Variants in RASSF5 observed in about 807,000 individuals in gnomAD.
RASSF5 encodes Ras association domain family member 5.
Under a neutral mutation model 40.5 loss-of-function variants are expected in RASSF5, and 25 were observed. The ratio of observed to expected loss-of-function variants is 0.62; its 90% CI spans 0.45 to 0.86. The LOEUF (loss-of-function observed/expected upper bound fraction) is 0.86. Ranked by LOEUF, RASSF5 falls within the 40% of genes least tolerant of loss-of-function variation. The pLI is 0.00. For synonymous variants in RASSF5, 246 were observed against 252.4 expected (o/e 0.97, Z 0.24); for missense variants, 521 against 572.8 (o/e 0.91, Z 0.92).
chr1:206,517,621 G>A (rs1666784665), intron 1 of RASSF5, among the ~76,000 whole-genome samples: 1 of 152,198 alleles, frequency 6.6e-6, no homozygotes, highest in Admixed American at 6.5e-5. Context: ...CCTGTCTGGT[G>A]CCAGTCTTCT....
intron 1 of RASSF5, among the ~76,000 whole-genome samples, chr1:206,512,396 C>T (rs871782): frequency 0.39 from 60,052 of 152,038 alleles, 12,814 homozygotes; most frequent in South Asian, 0.57. Flanking sequence ...CACTATTCAT[C>T]AGAGCATGAA....
intron 1 of RASSF5, chr1:206,529,798 G>A: frequency 7.2e-6 from 3 of 414,344 alleles, no homozygotes; most frequent in Non-Finnish European, 9.0e-6. Flanking sequence ...GGTGGTGTGT[G>A]CCTGTAATCC....
rs534326992 is a variant in RASSF5 at position 206,556,091 on chromosome 1, C to A, written c.579+17798C>A. On this transcript the variant is annotated intron_variant, in intron 2 of 5. Transcript: ENST00000579436. ...TCCATGAGCCATCAGACTCCATGAA[C>A]ATGGTAGCAAAGCCAGGCCTCTGAA... is the stretch of plus-strand genomic sequence containing the variant. Among the ~76,000 whole-genome samples the A allele has an allele frequency of 3.4e-4, 52 of 152,342 alleles. No individual in the cohort carries two copies. The South Asian group carries it at 0.01, about 30-fold the overall frequency.
chr1:206,546,921 C>T (rs980919622), intron 2 of RASSF5, among the ~76,000 whole-genome samples: 10 of 152,174 alleles, frequency 6.6e-5, no homozygotes, highest in Non-Finnish European at 1.5e-4. Context: ...ACCATCTGTA[C>T]ATCTTTAGCT....
intron 1 of RASSF5, among the ~76,000 whole-genome samples, chr1:206,526,438 A>G (rs4532836): frequency 0.097 from 14,795 of 152,060 alleles, 1,348 homozygotes; most frequent in African/African-American, 0.25. Flanking sequence ...AAGAGGGCTG[A>G]GCTTTGCCTC....
chr1:206,578,077 A>AC (rs1668721309), intron 2 of RASSF5, among the ~76,000 whole-genome samples: 1 of 151,284 alleles, frequency 6.6e-6, no homozygotes, highest in Non-Finnish European at 1.5e-5. Context: ...AATAAAAAAA[A>AC]TTAGCCAGGA....
chr1:206,529,709 G>A, intron 1 of RASSF5: 1 of 699,788 alleles, frequency 1.4e-6, no homozygotes. Flanking sequence ...CGGGTTAAAT[G>A]CACACTGTTG....
At position 206,579,605 on chromosome 1, in the gene RASSF5, GGTCT is replaced by G. The variant is rs1668791020; in HGVS notation, c.580-3659_580-3656del. On this transcript the variant is annotated intron_variant, in intron 2 of 5. Coordinates refer to ENST00000579436, the MANE Select transcript of RASSF5 (RefSeq NM_182663.4). The surrounding 1 kb of genome is among the most constrained non-coding windows in gnomAD (Gnocchi z 4.2). ...CTTGAGGTCTGGAATTGTTGTGAGG[GGTCT>G]GTCTATTTCAGTTCTTTTCGAATGT... is the stretch of plus-strand genomic sequence containing the variant. Among the ~76,000 whole-genome samples, 1 of 152,122 alleles carries G rather than the reference GGTCT, an allele frequency of 6.6e-6. No individual in the cohort carries two copies. Among genetic ancestry groups the G allele is most frequent in the African/African-American group, 2.4e-5 (1 of 41,412 alleles).
At chr1:206,508,137 GGA>G in intron 1 of RASSF5, 78 bp downstream of exon 1, 2 of 1,111,994 alleles carry the variant, frequency 1.8e-6, no homozygotes, top group Non-Finnish European at 2.4e-6. Context: ...CCTGGGGCAG[GGA>G]GAGAGGGGCC....
intron 2 of RASSF5, among the ~76,000 whole-genome samples, chr1:206,572,905 T>G (rs1468575321): frequency 6.6e-6 from 1 of 152,212 alleles, no homozygotes; most frequent in Admixed American, 6.5e-5. Context: ...CTGAAGGGCC[T>G]ATCGGGAATC....
intron 2 of RASSF5, 109 bp from the exon 3 acceptor site, chr1:206,583,160 G>T: frequency 1.4e-6 from 1 of 733,918 alleles, no homozygotes; most frequent in Non-Finnish European, 2.5e-6. Flanking sequence ...CACTCTGCAG[G>T]GCTGGATGCT....
intron 3 of RASSF5, chr1:206,583,803 G>A (rs974616616): frequency 5.2e-6 from 1 of 191,754 alleles, no homozygotes; most frequent in South Asian, 8.4e-5. Context: ...TTAGCACCCA[G>A]TTGGGAAAGG....
intron 2 of RASSF5, among the ~76,000 whole-genome samples, chr1:206,572,917 A>G (rs1020518241): frequency 6.6e-6 from 1 of 152,188 alleles, no homozygotes; most frequent in Non-Finnish European, 1.5e-5. Flanking sequence ...TCGGGAATCA[A>G]GGTCCCATAT....
chr1:206,585,067 G>C, intron 4 of RASSF5, 113 bp from the exon 5 acceptor site: 1 of 737,200 alleles, frequency 1.4e-6, no homozygotes, highest in Non-Finnish European at 2.3e-6. Flanking sequence ...AAAGGCCCGT[G>C]TCTACTTCCA....
chr1:206,542,959 G>A (rs532843593), intron 2 of RASSF5: 19 of 152,218 alleles, frequency 1.2e-4, no homozygotes, highest in African/African-American at 4.6e-4. Context: ...CACCTATAAT[G>A]TCAGCACTTT....
At chr1:206,516,809 G>T (rs1380882818) in intron 1 of RASSF5, among the ~76,000 whole-genome samples, 3 of 152,188 alleles carry the variant, frequency 2.0e-5, no homozygotes, top group Non-Finnish European at 2.9e-5. Context: ...TTCTTTGAGG[G>T]CGGGGATGGG....
intron 2 of RASSF5, among the ~76,000 whole-genome samples, chr1:206,565,219 TCTC>T (rs1156693357): frequency 5.3e-5 from 8 of 152,152 alleles, no homozygotes; most frequent in Admixed American, 4.6e-4. Flanking sequence ...AGGTCAGGCC[TCTC>T]CTCTCTGTCC....
chr1:206,528,591 T>A (rs1553397529), intron 1 of RASSF5, among the ~76,000 whole-genome samples: 1 of 152,160 alleles, frequency 6.6e-6, no homozygotes, highest in African/African-American at 2.4e-5. Flanking sequence ...TGTAGGTTCA[T>A]CAGTTGTGAC....
At chr1:206,536,970 G>A (rs370314603) in intron 1 of RASSF5, among the ~76,000 whole-genome samples, 6 of 152,180 alleles carry the variant, frequency 3.9e-5, no homozygotes, top group East Asian at 1.9e-4. Flanking sequence ...TTTTCCCTGC[G>A]GATGGACTTG....
Sources: gnomAD v4.1 joint callset for allele counts (sites outside exome capture counted in the v4.1 genomes callset) on GRCh38, gnomAD v4.1.1 for gene constraint, Gnocchi (gnomAD v3.1) non-coding constraint, MANE v1.5 for transcripts, NCBI Gene and HGNC (gene_info 2026-07-23, HGNC 2026-07-21) for gene names.